CCDC175: variants seen among roughly 807,000 people sequenced by gnomAD.
The protein encoded by CCDC175 is coiled-coil domain-containing protein 175.
A neutral mutation model predicts 114.6 loss-of-function variants in CCDC175; 100 were observed. The observed-to-expected ratio is 0.87, with a 90% CI of 0.74 to 1.03. The LOEUF is 1.03. CCDC175 is among the 50% of genes least tolerant of loss of function. CCDC175 has a pLI of 0.00. For synonymous variants in CCDC175, 306 were observed against 308.7 expected (o/e 0.99, Z 0.09); for missense variants, 880 against 917.8 (o/e 0.96, Z 0.53).
At chr14:59,524,463 T>C (rs1448829645) in intron 16 of CCDC175, among the ~76,000 whole-genome samples, 2 of 152,122 alleles carry the variant, frequency 1.3e-5, no homozygotes, top group South Asian at 2.1e-4. Context: ...AAAAAAAGGA[T>C]ATCCAAGAGG....
Position 59,510,783 on chromosome 14 carries a change from GTC to G in CCDC175, c.2166_2167del (p.Glu722AspfsTer14). The G allele has an allele frequency of 6.5e-7, 1 of 1,537,104 alleles. No individual in the cohort carries two copies. Among genetic ancestry groups the G allele is most frequent in the South Asian group, 1.2e-5 (1 of 84,018 alleles). On this transcript the variant is annotated frameshift_variant, in exon 19 of 20. Coordinates refer to ENST00000537690, the MANE Select transcript of CCDC175 (RefSeq NM_001164399.2). LOFTEE classifies it high-confidence loss of function. ...TGTTAGATTGTTTATGTCTTGCAAG[GTC>G]TCTTCACCATTGTCCACCAAGATCT... is the stretch of plus-strand genomic sequence containing the variant.
chr14:59,521,155 C>T (rs1422818665), intron 17 of CCDC175, among the ~76,000 whole-genome samples: 2 of 152,148 alleles, frequency 1.3e-5, no homozygotes, highest in African/African-American at 4.8e-5. Flanking sequence ...GAGGCAAACC[C>T]ACTCTCAATC....
intron 19 of CCDC175, among the ~76,000 whole-genome samples, chr14:59,506,156 A>G (rs914865460): frequency 2.0e-5 from 3 of 152,156 alleles, no homozygotes; most frequent in Admixed American, 1.3e-4. Flanking sequence ...ATATTTGTCT[A>G]AAACTATTAG....
In CCDC175 at chr14:59,520,024, A is replaced by T. The variant is rs115089415; in HGVS notation, c.2098+1550T>A. On this transcript the variant is annotated intron_variant, in intron 17 of 19. Transcript: ENST00000537690. ...AGTTCCCGGCTGTTGAATTACCCTCAGCCTTCAAGTTGCCCTGGCTGATGC... is the reference window on the plus strand; with the variant it reads ...AGTTCCCGGCTGTTGAATTACCCTCTGCCTTCAAGTTGCCCTGGCTGATGC... Among the ~76,000 whole-genome samples, 1,158 of 152,360 alleles carry T rather than the reference A, an allele frequency of 7.6e-3. 14 individuals are homozygous for T. The highest frequency in any genetic ancestry group is 0.026 in the African/African-American group (1,096 of 41,588).
intron 11 of CCDC175, among the ~76,000 whole-genome samples, chr14:59,539,362 G>A (rs1894616897): frequency 6.6e-6 from 1 of 152,106 alleles, no homozygotes; most frequent in African/African-American, 2.4e-5. Flanking sequence ...CAGATCACCT[G>A]AGGTCAGGCA....
At chr14:59,529,685 A>C (rs1595007645) in intron 14 of CCDC175, among the ~76,000 whole-genome samples, 7 of 152,162 alleles carry the variant, frequency 4.6e-5, no homozygotes, top group Admixed American at 3.9e-4. Context: ...CAAATGTCTT[A>C]TCTCTTCCAG....
At chr14:59,549,781 T>C (rs980570803) in intron 8 of CCDC175, among the ~76,000 whole-genome samples, 1 of 148,608 alleles carries the variant, frequency 6.7e-6, no homozygotes, top group Non-Finnish European at 1.5e-5. Flanking sequence ...TAAGTTTGGA[T>C]ATATGAGGTG....
chr14:59,535,240 C>T (rs1243210061), intron 13 of CCDC175, among the ~76,000 whole-genome samples: 1 of 152,162 alleles, frequency 6.6e-6, no homozygotes, highest in Non-Finnish European at 1.5e-5. Context: ...CACAGTCCTG[C>T]AGTGGGCACA....
chr14:59,546,153 A>C (rs544534571), intron 8 of CCDC175, among the ~76,000 whole-genome samples: 3 of 152,346 alleles, frequency 2.0e-5, no homozygotes, highest in Admixed American at 2.0e-4. Context: ...GAATGAAATC[A>C]TATCCTTTCT....
intron 8 of CCDC175, among the ~76,000 whole-genome samples, chr14:59,547,908 T>C (rs73305665): frequency 0.017 from 2,601 of 152,324 alleles, 73 homozygotes; most frequent in African/African-American, 0.059. Context: ...TAATGTGTAA[T>C]ATTTTATAAT....
intron 17 of CCDC175, among the ~76,000 whole-genome samples, chr14:59,512,367 C>T (rs1264224571): frequency 6.6e-6 from 1 of 152,238 alleles, no homozygotes; most frequent in African/African-American, 2.4e-5. Flanking sequence ...GCCCGCATGA[C>T]TGACCATCTT....
chr14:59,562,156 T>A lies in CCDC175; in HGVS notation c.844-928A>T, dbSNP rs573410820. Among the ~76,000 whole-genome samples, 4 of 152,344 alleles carry A rather than the reference T, an allele frequency of 2.6e-5. No individual in the cohort carries two copies. The South Asian group carries it at 8.3e-4, about 32-fold the overall frequency. The stretch of plus-strand genomic sequence containing the variant: ...AGAGGCCTCTGATCAATCATCAGAA[T>A]TAGGGATACATGCTGAAGGCCTGAT... On this transcript the variant is annotated intron_variant, in intron 6 of 19. Transcript: ENST00000537690.
At chr14:59,542,130 A>T (rs1439262781) in intron 10 of CCDC175, among the ~76,000 whole-genome samples, 1 of 152,084 alleles carries the variant, frequency 6.6e-6, no homozygotes, top group Non-Finnish European at 1.5e-5. Context: ...TGGTGATATC[A>T]TTCTCCCATA....
chr14:59,518,230 C>G (rs2139973640), intron 17 of CCDC175, among the ~76,000 whole-genome samples: 1 of 152,198 alleles, frequency 6.6e-6, no homozygotes, highest in East Asian at 1.9e-4. Context: ...AGAAGAAAAC[C>G]TAGGCAATAC....
In CCDC175 at chr14:59,568,357, A is replaced by G. The variant is rs1261087715; in HGVS notation, c.379T>C (p.Leu127=). 3 of 1,528,964 alleles carry G rather than the reference A, an allele frequency of 2.0e-6. No individual in the cohort carries two copies. The highest frequency in any genetic ancestry group is 2.6e-6 in the Non-Finnish European group (3 of 1,144,350). The allele number at this position is 1,528,964 out of a possible 1,614,324, so 94.7% of individuals were successfully genotyped here. A position where few individuals can be genotyped will look rare whatever the true frequency, so the allele number is the denominator to read the frequency against. ...LEECVRDARR[L]NLFEINTIKM... ...ATTGTATTTATCTCAAAAAGATTTAATCTGCGAGCGTCTCGGACACATTCT... is the reference window on the plus strand; with the variant it reads ...ATTGTATTTATCTCAAAAAGATTTAGTCTGCGAGCGTCTCGGACACATTCT... Residue 127 remains leucine (L), a synonymous_variant, in exon 4 of 20, where the codon TTA becomes CTA. Coordinates refer to ENST00000537690, the MANE Select transcript of CCDC175 (RefSeq NM_001164399.2).
chr14:59,511,174 C>T (rs4898991), intron 18 of CCDC175, among the ~76,000 whole-genome samples: 58,861 of 152,004 alleles, frequency 0.39, 12,154 homozygotes, highest in African/African-American at 0.52. Flanking sequence ...AATTCCCATA[C>T]GTTCATGAAC....
chr14:59,532,632 T>C (rs1894136470), intron 13 of CCDC175, among the ~76,000 whole-genome samples: 1 of 152,218 alleles, frequency 6.6e-6, no homozygotes, highest in South Asian at 2.1e-4. Flanking sequence ...ATGGAAGTCA[T>C]GTGTGCCACT....
At chr14:59,555,458 C>G (rs552486894) in intron 7 of CCDC175, among the ~76,000 whole-genome samples, 1 of 152,132 alleles carries the variant, frequency 6.6e-6, no homozygotes, top group South Asian at 2.1e-4. Context: ...ATTGATGGGA[C>G]GTATCTCAAA....
chr14:59,568,122 G>C (rs982862), intron 4 of CCDC175, 123 bp downstream of exon 4: 938,300 of 952,800 alleles, frequency 0.98, 463,174 homozygotes, highest in East Asian at 1. Context: ...TCTCCTACAA[G>C]CCATCTTCAC....
Sources: allele counts gnomAD v4.1 joint callset (sites outside exome capture counted in the v4.1 genomes callset), GRCh38; gene constraint gnomAD v4.1.1; transcripts MANE v1.5; gene names NCBI Gene and HGNC (gene_info 2026-07-23, HGNC 2026-07-21).